ST8SIA5: variants seen among roughly 807,000 people sequenced by gnomAD.
ST8SIA5 encodes the protein ST8 alpha-N-acetyl-neuraminide alpha-2,8-sialyltransferase 5.
Under a neutral mutation model 40.2 loss-of-function variants are expected in ST8SIA5, and 24 were observed. The observed-to-expected ratio is 0.60, with a 90% CI of 0.43 to 0.84. The LOEUF is 0.84. Among genes scored for constraint, ST8SIA5 ranks in the 40% least tolerant of loss-of-function variants. The pLI, the probability that ST8SIA5 is intolerant of heterozygous loss-of-function variation, is 0.00. For missense variants in ST8SIA5, 465 were observed against 498.5 expected (o/e 0.93, Z 0.64); for synonymous variants, 198 against 201.8 (o/e 0.98, Z 0.16).
rs182713636 is a variant in ST8SIA5, at chr18:46,745,101, C to A, written c.131+11277G>T. Among the ~76,000 whole-genome samples the A allele has an allele frequency of 3.6e-3, 549 of 152,218 alleles. 1 individual carries two copies. Among genetic ancestry groups the A allele is most frequent in the Non-Finnish European group, 5.2e-3 (353 of 68,016 alleles). ...GGAAATTTATAGCACTAAATGCCCA[C>A]AAGAGAAAGCAGGAAAGATCTAAAA... On this transcript the variant is annotated intron_variant, in intron 1 of 6. Transcript: ENST00000315087.
At chr18:46,696,623 G>T (rs1267769615) in intron 2 of ST8SIA5, among the ~76,000 whole-genome samples, 6 of 152,210 alleles carry the variant, frequency 3.9e-5, no homozygotes, top group African/African-American at 1.4e-4. Flanking sequence ...ATAACGGCTG[G>T]CTGCTGCCCT....
rs1410029261 is a variant in ST8SIA5, at chr18:46,675,043, G to C, written c.*4999C>G. 1 of 152,178 alleles carries C rather than the reference G, an allele frequency of 6.6e-6. No homozygotes were observed. The highest frequency in any genetic ancestry group is 2.4e-5 in the African/African-American group (1 of 41,434). The allele number at this position is 152,178 out of a possible 1,614,324, so 9.4% of individuals were successfully genotyped here. On this transcript the variant is annotated 3_prime_UTR_variant, in exon 7 of 7. Transcript: ENST00000315087. The stretch of plus-strand genomic sequence containing the variant: ...GCCCCACAAAAGGTATTTTTGGAAG[G>C]TTATTCTCTGAAAGCAAAAAGATCC...
At chr18:46,700,938 T>C (rs1364985960) in intron 2 of ST8SIA5, among the ~76,000 whole-genome samples, 1 of 152,052 alleles carries the variant, frequency 6.6e-6, no homozygotes, top group Admixed American at 6.5e-5. Flanking sequence ...TGGGGACATA[T>C]GAGGTTGTCC....
At position 46,679,926 on chromosome 18, in the gene ST8SIA5, G is replaced by T; in HGVS notation, c.*116C>A. 2.0e-6 allele frequency: 2 copies of T among 982,622 alleles called. No homozygotes were observed. The highest frequency in any genetic ancestry group is 1.5e-6 in the Non-Finnish European group (1 of 680,154). 60.9% of individuals were successfully genotyped at this position (982,622 alleles called of 1,614,324 possible). A position where few individuals can be genotyped will look rare whatever the true frequency, so the allele number is the denominator to read the frequency against. ...TCCAAGTACAGAGCTGAACAATGGAGGGAGAGACAGCCTGAACGCCAGGAC... is the reference window on the plus strand; with the variant it reads ...TCCAAGTACAGAGCTGAACAATGGATGGAGAGACAGCCTGAACGCCAGGAC... On this transcript the variant is annotated 3_prime_UTR_variant, in exon 7 of 7. Coordinates refer to ENST00000315087, the MANE Select transcript of ST8SIA5 (RefSeq NM_013305.6).
At position 46,672,460 on chromosome 18, in the gene ST8SIA5, C is replaced by T. The variant is rs1201006808; in HGVS notation, c.*7582G>A. On this transcript the variant is annotated 3_prime_UTR_variant, in exon 7 of 7. Transcript: ENST00000315087. Reference sequence around the variant, plus strand: ...ATTCTAGAGAAAACAGAACTTTTACCCCAAAGCTGAGCAGATCATTTAGTT... The same window carrying T: ...ATTCTAGAGAAAACAGAACTTTTACTCCAAAGCTGAGCAGATCATTTAGTT... The T allele has an allele frequency of 1.3e-5, 2 of 152,102 alleles. No individual in the cohort carries two copies. Among genetic ancestry groups the T allele is most frequent in the Non-Finnish European group, 2.9e-5 (2 of 68,026 alleles). The allele number at this position is 152,102 out of a possible 1,614,324, so 9.4% of individuals were successfully genotyped here. A position where few individuals can be genotyped will look rare whatever the true frequency, so the allele number is the denominator to read the frequency against.
Position 46,677,151 on chromosome 18 carries a change from C to T in ST8SIA5, c.*2891G>A, listed in dbSNP as rs1482481846. The T allele has an allele frequency of 6.6e-6, 1 of 152,230 alleles. No homozygotes were observed. Among genetic ancestry groups the T allele is most frequent in the Non-Finnish European group, 1.5e-5 (1 of 68,066 alleles). 9.4% of individuals were successfully genotyped at this position (152,230 alleles called of 1,614,324 possible). ...AGGCTGCTTCCCGGACGATGACAGC[C>T]TCCTAGAGCATTTGTCCCTGGAGGA... On this transcript the variant is annotated 3_prime_UTR_variant, in exon 7 of 7. Coordinates refer to ENST00000315087, the MANE Select transcript of ST8SIA5 (RefSeq NM_013305.6).
chr18:46,713,311 G>C lies in ST8SIA5; in HGVS notation c.132-8647C>G, dbSNP rs144159503. Among the ~76,000 whole-genome samples, 990 of 152,326 alleles carry C rather than the reference G, an allele frequency of 6.5e-3. 9 individuals carry two copies. The highest frequency in any genetic ancestry group is 0.022 in the African/African-American group (921 of 41,562). ...ATCAACAGTAACTCCTAGGACTTCA[G>C]CTTGAACAACTAGCGGGATGACATA... On this transcript the variant is annotated intron_variant, in intron 1 of 6. Coordinates refer to ENST00000315087, the MANE Select transcript of ST8SIA5 (RefSeq NM_013305.6).
Position 46,670,597 on chromosome 18 carries a change from G to A in ST8SIA5, c.*9445C>T, listed in dbSNP as rs2039303218. ...TGAGTAGCTGGGACTGACTACAGGT[G>A]TGCTTTTGTATTCTTTATTGAGACA... On this transcript the variant is annotated 3_prime_UTR_variant, in exon 7 of 7. Coordinates refer to ENST00000315087, the MANE Select transcript of ST8SIA5 (RefSeq NM_013305.6). 6.6e-6 allele frequency: 1 copy of A among 152,164 alleles called. No individual in the cohort carries two copies. Among genetic ancestry groups the A allele is most frequent in the South Asian group, 2.1e-4 (1 of 4,806 alleles). The allele number at this position is 152,164 out of a possible 1,614,324, so 9.4% of individuals were successfully genotyped here. A position where few individuals can be genotyped will look rare whatever the true frequency, so the allele number is the denominator to read the frequency against.
At chr18:46,718,302 C>A (rs1019421732) in intron 1 of ST8SIA5, among the ~76,000 whole-genome samples, 2 of 147,408 alleles carry the variant, frequency 1.4e-5, no homozygotes, top group African/African-American at 5.1e-5. Flanking sequence ...TGCACTCCAG[C>A]CTGAGCAATG....
intron 5 of ST8SIA5, among the ~76,000 whole-genome samples, chr18:46,683,966 GTCTCGT>G: frequency 6.6e-6 from 1 of 152,118 alleles, no homozygotes; most frequent in Middle Eastern, 3.4e-3. Context: ...CCAAGCCTAG[GTCTCGT>G]TCCTAGTGCA....
chr18:46,719,836 TTC>T (rs752547211), intron 1 of ST8SIA5, among the ~76,000 whole-genome samples: 1 of 147,338 alleles, frequency 6.8e-6, no homozygotes, highest in African/African-American at 2.5e-5. Context: ...CTTTCTTTCT[TTC>T]TCTCTCTCTT....
intron 1 of ST8SIA5, among the ~76,000 whole-genome samples, chr18:46,752,906 C>G (rs765485255): frequency 1.1e-4 from 17 of 152,316 alleles, no homozygotes; most frequent in Non-Finnish European, 1.9e-4. Flanking sequence ...ACCTCCCAGC[C>G]TCTCTACCTC....
chr18:46,679,098 G>A lies in ST8SIA5; in HGVS notation c.*944C>T, dbSNP rs2039359318. The A allele has an allele frequency of 6.6e-6, 1 of 152,230 alleles. No individual in the cohort carries two copies. The highest frequency in any genetic ancestry group is 1.5e-5 in the Non-Finnish European group (1 of 68,054). The allele number at this position is 152,230 out of a possible 1,614,324, so 9.4% of individuals were successfully genotyped here. On this transcript the variant is annotated 3_prime_UTR_variant, in exon 7 of 7. Coordinates refer to ENST00000315087, the MANE Select transcript of ST8SIA5 (RefSeq NM_013305.6). ...TCCGACTGAGGAACACGATACAGCAGGATTCTGCAGGATTCAGAGACATGA... is the reference window on the plus strand; with the variant it reads ...TCCGACTGAGGAACACGATACAGCAAGATTCTGCAGGATTCAGAGACATGA...
chr18:46,705,578 T>C (rs2039661932), intron 1 of ST8SIA5, among the ~76,000 whole-genome samples: 1 of 152,238 alleles, frequency 6.6e-6, no homozygotes, highest in Admixed American at 6.5e-5. Context: ...AAGGCTGCTC[T>C]TTCTGCCACT....
chr18:46,739,121 A>C (rs1265661862), intron 1 of ST8SIA5, among the ~76,000 whole-genome samples: 1 of 152,188 alleles, frequency 6.6e-6, no homozygotes, highest in Non-Finnish European at 1.5e-5. Flanking sequence ...AGAGGAGAGA[A>C]AGAACACCGT....
At chr18:46,744,708 A>G (rs955633617) in intron 1 of ST8SIA5, among the ~76,000 whole-genome samples, 1 of 152,226 alleles carries the variant, frequency 6.6e-6, no homozygotes, top group African/African-American at 2.4e-5. Context: ...CTCTGCACCA[A>G]GAAGACCTAA....
chr18:46,704,421 A>C (rs1033382168), intron 2 of ST8SIA5, 151 bp downstream of exon 2: 9 of 692,918 alleles, frequency 1.3e-5, no homozygotes, highest in Non-Finnish European at 2.2e-5. Context: ...TCCGAATGCC[A>C]GTGGCTCTGG....
At chr18:46,734,422 C>T (rs769070060) in intron 1 of ST8SIA5, among the ~76,000 whole-genome samples, 1 of 151,938 alleles carries the variant, frequency 6.6e-6, no homozygotes, top group South Asian at 2.1e-4. Flanking sequence ...TGCTCTCCAC[C>T]CTGGCAGTAC....
chr18:46,754,751 G>T (rs373867817), intron 1 of ST8SIA5, among the ~76,000 whole-genome samples: 2 of 152,328 alleles, frequency 1.3e-5, no homozygotes, highest in African/African-American at 4.8e-5. Context: ...TGCCATGGGC[G>T]GTTGTATTTT....
Sources: allele counts gnomAD v4.1 joint callset (sites outside exome capture counted in the v4.1 genomes callset), GRCh38; gene constraint gnomAD v4.1.1; transcripts MANE v1.5; gene names NCBI Gene and HGNC (gene_info 2026-07-23, HGNC 2026-07-21).